IFT74: variants seen among roughly 807,000 people sequenced by gnomAD.
The protein encoded by IFT74 is intraflagellar transport protein 74 homolog.
Under a neutral mutation model 96.7 loss-of-function variants are expected in IFT74, and 92 were observed. That is an observed-to-expected ratio of 0.95 (90% CI 0.80 to 1.13). The LOEUF is 1.13. IFT74 is among the 50% of genes most tolerant of loss of function. The probability of loss-of-function intolerance (pLI) is 0.00; values close to 1 mark genes in which losing one functional copy is unlikely to be tolerated. For synonymous variants in IFT74, 223 were observed against 213.2 expected (o/e 1.05, Z -0.40); for missense variants, 811 against 698.2 (o/e 1.16, Z -1.82).
chr9:26,981,483 C>T (rs369526018), intron 4 of IFT74, among the ~76,000 whole-genome samples: 4 of 152,090 alleles, frequency 2.6e-5, no homozygotes, highest in African/African-American at 7.2e-5. Context: ...GGCATGATCT[C>T]GGTTGACTGC....
At chr9:26,988,407 A>G (rs534434080) in intron 6 of IFT74, among the ~76,000 whole-genome samples, 13 of 152,332 alleles carry the variant, frequency 8.5e-5, no homozygotes, top group Non-Finnish European at 1.5e-4. Flanking sequence ...GCTCCACAAG[A>G]TATAATATTC....
chr9:27,039,743 A>C (rs1034738579), intron 13 of IFT74, among the ~76,000 whole-genome samples: 13 of 152,174 alleles, frequency 8.5e-5, no homozygotes, highest in African/African-American at 2.9e-4. Flanking sequence ...GGGTATATGT[A>C]GGTTATATGC....
intron 3 of IFT74, among the ~76,000 whole-genome samples, chr9:26,979,469 A>G (rs927058397): frequency 1.1e-4 from 16 of 152,102 alleles, no homozygotes; most frequent in African/African-American, 3.9e-4. Context: ...GTTAGTCTCT[A>G]CAAGTATACT....
intron 18 of IFT74, among the ~76,000 whole-genome samples, chr9:27,059,114 C>G (rs191733446): frequency 1.7e-3 from 259 of 151,914 alleles, no homozygotes; most frequent in African/African-American, 5.8e-3. Context: ...CTTGTTTATC[C>G]CCACATTAAT....
intron 2 of IFT74, among the ~76,000 whole-genome samples, chr9:26,968,531 A>T (rs1010889119): frequency 6.6e-6 from 1 of 152,186 alleles, no homozygotes; most frequent in Admixed American, 6.5e-5. Context: ...AAGTGTTGGG[A>T]TTACAGGCGT....
At chr9:26,974,849 C>T (rs1282509686) in intron 2 of IFT74, among the ~76,000 whole-genome samples, 1 of 152,186 alleles carries the variant, frequency 6.6e-6, no homozygotes, top group Non-Finnish European at 1.5e-5. Flanking sequence ...AAACTTTGCA[C>T]CTCTGAACTG....
intron 2 of IFT74, among the ~76,000 whole-genome samples, chr9:26,971,394 GC>G (rs2131507233): frequency 6.6e-6 from 1 of 152,216 alleles, no homozygotes; most frequent in Non-Finnish European, 1.5e-5. Context: ...ATCGCACATA[GC>G]TTGGGGTCTC....
At chr9:27,000,162 A>ATT (rs1828401817) in intron 8 of IFT74, among the ~76,000 whole-genome samples, 1 of 152,158 alleles carries the variant, frequency 6.6e-6, no homozygotes, top group Admixed American at 6.5e-5. Flanking sequence ...TGATCTTAAT[A>ATT]AACTAGAAAG....
In IFT74 at chr9:27,060,618, CA is replaced by C; in HGVS notation, c.1652del (p.His551ProfsTer9). 6.3e-7 allele frequency: 1 copy of C among 1,594,452 alleles called. No homozygotes were observed. The highest frequency in any genetic ancestry group is 8.6e-7 in the Non-Finnish European group (1 of 1,168,112). On this transcript the variant is annotated frameshift_variant, in exon 19 of 20. Transcript: ENST00000380062. LOFTEE classifies it high-confidence loss of function. ...TACAAATTTGGAGAGAAAGTGGCAACACCTTGAGCAAAATAATTTTGCGATG... is the reference window on the plus strand; with the variant it reads ...TACAAATTTGGAGAGAAAGTGGCAACCCTTGAGCAAAATAATTTTGCGATG... The part of the protein sequence containing the change: ...QLTNLERKWQ[H>X]LEQNNFAMKE...
At chr9:27,001,508 G>T in intron 8 of IFT74, among the ~76,000 whole-genome samples, 1 of 152,002 alleles carries the variant, frequency 6.6e-6, no homozygotes, top group Non-Finnish European at 1.5e-5. Flanking sequence ...CTTTAATGGG[G>T]GTGAGATTAT....
rs73438229 is a variant in IFT74, at chr9:27,046,279, G to C, written c.1109-995G>C. Among the ~76,000 whole-genome samples, 905 of 152,160 alleles carry C rather than the reference G, an allele frequency of 5.9e-3. 12 individuals are homozygous for C. Among genetic ancestry groups the C allele is most frequent in the African/African-American group, 0.02 (851 of 41,524 alleles). On this transcript the variant is annotated intron_variant, in intron 14 of 19. Transcript: ENST00000380062. ...AGTTTTATAAAAAATGTTGATTGTGGTCCTCTACCACCATATTCAAATAAA... is the reference window on the plus strand; with the variant it reads ...AGTTTTATAAAAAATGTTGATTGTGCTCCTCTACCACCATATTCAAATAAA...
At chr9:27,033,602 T>A (rs1042623261) in intron 13 of IFT74, among the ~76,000 whole-genome samples, 11 of 148,626 alleles carry the variant, frequency 7.4e-5, no homozygotes, top group African/African-American at 2.5e-4. Context: ...AAATGGTGCC[T>A]GGTGCACATT....
At chr9:26,995,880 AAG>A (rs1175272177) in intron 8 of IFT74, 1 of 1,510,078 alleles carries the variant, frequency 6.6e-7, no homozygotes, top group Admixed American at 2.2e-5. Context: ...AGGAGAGAGA[AAG>A]AAAATTTGTT....
At chr9:26,954,222 T>C (rs529103360), upstream of IFT74, among the ~76,000 whole-genome samples, 2 of 152,342 alleles carry the variant, frequency 1.3e-5, no homozygotes, top group East Asian at 3.9e-4. Context: ...GCCATTAGAC[T>C]GAAGTCGCTC....
At position 27,016,249 on chromosome 9, in the gene IFT74, G is replaced by C. The variant is rs374846199; in HGVS notation, c.790-658G>C. ...AGCTCTTGATATTGCTTGACTTGCAGCTGCATCACTCCAGTCTTTGCCTGA... is the reference window on the plus strand; with the variant it reads ...AGCTCTTGATATTGCTTGACTTGCACCTGCATCACTCCAGTCTTTGCCTGA... On this transcript the variant is annotated intron_variant, in intron 10 of 19. Transcript: ENST00000380062. Among the ~76,000 whole-genome samples, 12 of 152,248 alleles carry C rather than the reference G, an allele frequency of 7.9e-5. No homozygotes were observed. In the East Asian group the frequency reaches 2.3e-3, roughly 29 times the overall value.
chr9:27,047,414 C>A (rs76349155), intron 15 of IFT74, 43 bp downstream of exon 15: 2 of 1,217,362 alleles, frequency 1.6e-6, no homozygotes, highest in African/African-American at 3.1e-5. Context: ...TTATTTTTGC[C>A]GTGATTAACT....
At chr9:27,062,552 A>T in intron 19 of IFT74, 66 bp from the exon 20 acceptor site, 1 of 826,674 alleles carries the variant, frequency 1.2e-6, no homozygotes, top group Non-Finnish European at 2.0e-6. Flanking sequence ...GTCAGTATTT[A>T]GTTCCTTTCT....
At chr9:27,055,309 C>A (rs1309614616) in intron 16 of IFT74, among the ~76,000 whole-genome samples, 3 of 152,050 alleles carry the variant, frequency 2.0e-5, no homozygotes, top group African/African-American at 7.2e-5. Context: ...GTCTTTATCT[C>A]ATAATATAGA....
intron 12 of IFT74, among the ~76,000 whole-genome samples, chr9:27,020,483 C>CT (rs993901832): frequency 3.7e-4 from 30 of 81,064 alleles, no homozygotes; most frequent in African/African-American, 8.1e-4. Flanking sequence ...TTTTTTTTTT[C>CT]TTTTTTTTTG....
Sources: gnomAD v4.1 joint callset for allele counts (sites outside exome capture counted in the v4.1 genomes callset) on GRCh38, gnomAD v4.1.1 for gene constraint, MANE v1.5 for transcripts, NCBI Gene and HGNC (gene_info 2026-07-23, HGNC 2026-07-21) for gene names.